The following RIMBP2 variants were observed in gnomAD, a reference collection of about 807,000 sequenced individuals.
RIMBP2 encodes the protein RIMS-binding protein 2.
Under a neutral mutation model 118.6 loss-of-function variants are expected in RIMBP2, and 48 were observed. The observed-to-expected ratio is 0.40, with a 90% CI of 0.32 to 0.51. RIMBP2 has a LOEUF of 0.51. Among genes scored for constraint, RIMBP2 ranks in the 20% least tolerant of loss-of-function variants. The probability of loss-of-function intolerance (pLI) is 0.41; values close to 1 mark genes in which losing one functional copy is unlikely to be tolerated. For missense variants in RIMBP2, 1,551 were observed against 1,768.3 expected, an observed-to-expected ratio of 0.88 and a Z score of 2.20; for synonymous variants, 762 against 742.9, an observed-to-expected ratio of 1.03 and a Z score of -0.42.
chr12:130,551,698 G>A (rs1313456236), intron 2 of RIMBP2, among the ~76,000 whole-genome samples: 2 of 152,200 alleles, frequency 1.3e-5, no homozygotes, highest in Non-Finnish European at 2.9e-5. Context: ...ATAGAGCAAG[G>A]TGAGATAGGA....
At chr12:130,700,893 T>G (rs1407957114) in intron 1 of RIMBP2, among the ~76,000 whole-genome samples, 1 of 152,208 alleles carries the variant, frequency 6.6e-6, no homozygotes, top group Non-Finnish European at 1.5e-5. Context: ...ATGCCCACAG[T>G]GCACACTTTG....
chr12:130,669,513 G>C (rs1013098715), intron 1 of RIMBP2, among the ~76,000 whole-genome samples: 1 of 152,170 alleles, frequency 6.6e-6, no homozygotes, highest in Admixed American at 6.5e-5. Context: ...GAGATCTGGT[G>C]GTTTTATAAG....
chr12:130,670,743 T>C lies in RIMBP2; in HGVS notation c.-351-42287A>G, dbSNP rs2064159037. Reference sequence around the variant, plus strand: ...CACCCACCAGCTCATGAGAAGTCTGTTAAAGAAGATTTAGGAAGACTTTTC... The same window carrying C: ...CACCCACCAGCTCATGAGAAGTCTGCTAAAGAAGATTTAGGAAGACTTTTC... On this transcript the variant is annotated intron_variant, in intron 1 of 22. Coordinates refer to ENST00000690449, the MANE Select transcript of RIMBP2 (RefSeq NM_001393629.1). This position sits in a 1 kb window ranked among gnomAD's most constrained non-coding sequence, Gnocchi z 4.9. Among the ~76,000 whole-genome samples, 1 of 152,198 alleles carries C rather than the reference T, an allele frequency of 6.6e-6. No homozygotes were observed. The highest frequency in any genetic ancestry group is 6.5e-5 in the Admixed American group (1 of 15,268).
chr12:130,530,917 C>T (rs998787288), intron 2 of RIMBP2, among the ~76,000 whole-genome samples: 1 of 152,180 alleles, frequency 6.6e-6, no homozygotes, highest in African/African-American at 2.4e-5. Flanking sequence ...CAGATTCAGG[C>T]TGTGAACTTG....
Position 130,442,314 on chromosome 12 carries a change from C to T in RIMBP2, c.1038G>A (p.Val346=), listed in dbSNP as rs1464165571. 6.2e-7 allele frequency: 1 copy of T among 1,614,106 alleles called. No homozygotes were observed. Among genetic ancestry groups the T allele is most frequent in the Non-Finnish European group, 8.5e-7 (1 of 1,180,060 alleles). Reference sequence around the variant, plus strand: ...TGTCCACCAGGACGTTGTAGCTGCTCACCGTTCCCCATCCTGGTGGCACCG... The same window carrying T: ...TGTCCACCAGGACGTTGTAGCTGCTTACCGTTCCCCATCCTGGTGGCACCG... ...PPAVPPGWGT[V]SSYNVLVDKE... The change falls in exon 11 of 23, where the codon GTG becomes GTA. Residue 346 remains valine (V), a synonymous_variant. Coordinates refer to ENST00000690449, the MANE Select transcript of RIMBP2 (RefSeq NM_001393629.1). This position sits in a 1 kb window ranked among gnomAD's most constrained non-coding sequence, Gnocchi z 6.9.
At chr12:130,506,142 A>C (rs2050322284) in intron 4 of RIMBP2, among the ~76,000 whole-genome samples, 1 of 152,120 alleles carries the variant, frequency 6.6e-6, no homozygotes, top group Non-Finnish European at 1.5e-5. Flanking sequence ...CATCAATAGC[A>C]AATCAACCCA....
intron 2 of RIMBP2, among the ~76,000 whole-genome samples, chr12:130,584,718 C>CATCACTATCACAACCATTACATT (rs1183240941): frequency 6.6e-6 from 1 of 152,226 alleles, no homozygotes; most frequent in East Asian, 1.9e-4. Context: ...ACCATTACAT[C>CATCACTATCACAACCATTACATT]ATCACTATCA....
At position 130,568,325 on chromosome 12, in the gene RIMBP2, C is replaced by T. The variant is rs1381032577; in HGVS notation, c.-216-50408G>A. ...CTGTTTCTCATGTGCTTCAGCTCCC[C>T]AGACAACTAACTCCTCTGCCTCCTG... On this transcript the variant is annotated intron_variant, in intron 2 of 22. Coordinates refer to ENST00000690449, the MANE Select transcript of RIMBP2 (RefSeq NM_001393629.1). Among the ~76,000 whole-genome samples the T allele has an allele frequency of 2.0e-5, 3 of 152,186 alleles. No homozygotes were observed. In the East Asian group the frequency reaches 5.8e-4, roughly 29 times the overall value.
At position 130,681,295 on chromosome 12, in the gene RIMBP2, T is replaced by A. The variant is rs76271981; in HGVS notation, c.-352+34927A>T. On this transcript the variant is annotated intron_variant, in intron 1 of 22. Transcript: ENST00000690449. The stretch of plus-strand genomic sequence containing the variant: ...CCTATCTCTAAAAAAAAATAAAAAA[T>A]AAAAATAAATGCATGTACTTTTTAC... Among the ~76,000 whole-genome samples the A allele has an allele frequency of 8.7e-5, 12 of 138,580 alleles. No individual in the cohort carries two copies. In the East Asian group the frequency reaches 1.7e-3, roughly 20 times the overall value. 90.9% of individuals were successfully genotyped at this position (138,580 alleles called of 152,430 possible). A position where few individuals can be genotyped will look rare whatever the true frequency, so the allele number is the denominator to read the frequency against.
chr12:130,496,730 C>A (rs567557374), intron 4 of RIMBP2, among the ~76,000 whole-genome samples: 3 of 152,150 alleles, frequency 2.0e-5, no homozygotes, highest in Non-Finnish European at 4.4e-5. Flanking sequence ...TTCAGGCACA[C>A]CTTTCTCTCA....
At chr12:130,505,057 G>A (rs2050168391) in intron 4 of RIMBP2, among the ~76,000 whole-genome samples, 1 of 152,148 alleles carries the variant, frequency 6.6e-6, no homozygotes, top group Admixed American at 6.5e-5. Context: ...AAAGGCAGAG[G>A]GTTGGATAAG....
chr12:130,481,903 G>A (rs2082042189), intron 4 of RIMBP2, among the ~76,000 whole-genome samples: 1 of 151,730 alleles, frequency 6.6e-6, no homozygotes, highest in African/African-American at 2.4e-5. Context: ...CTCTTTCCAA[G>A]AGCCTCAGTT....
At chr12:130,590,559 A>T (rs1318853480) in intron 2 of RIMBP2, among the ~76,000 whole-genome samples, 1 of 152,146 alleles carries the variant, frequency 6.6e-6, no homozygotes, top group Non-Finnish European at 1.5e-5. Context: ...GCTGGTAAAA[A>T]AGTTGAGGAT....
chr12:130,479,026 CAG>C lies in RIMBP2; in HGVS notation c.-3-12_-3-11del, dbSNP rs1566111565. ...CCGCCTCTCGCATATGCTGTGGGGA[CAG>C]AGAGAGGCCTGGCTGAGCAGGGCAG... is the stretch of plus-strand genomic sequence containing the variant. On this transcript the variant is annotated splice_polypyrimidine_tract_variant and intron_variant, in intron 4 of 22. Transcript: ENST00000690449. 1.9e-6 allele frequency: 3 copies of C among 1,609,534 alleles called. No individual in the cohort carries two copies. Among genetic ancestry groups the C allele is most frequent in the Non-Finnish European group, 2.5e-6 (3 of 1,177,094 alleles).
In RIMBP2 at chr12:130,654,833, A is replaced by G. The variant is rs146174333; in HGVS notation, c.-351-26377T>C. On this transcript the variant is annotated intron_variant, in intron 1 of 22. Transcript: ENST00000690449. ...AGGAAGCTTCCAATCATGGTGGAAG[A>G]CAAAGAGGAGCCAGCATGTCACACA... Among the ~76,000 whole-genome samples, 794 of 152,324 alleles carry G rather than the reference A, an allele frequency of 5.2e-3. 13 individuals are homozygous for G. The highest frequency in any genetic ancestry group is 0.018 in the African/African-American group (746 of 41,584).
intron 6 of RIMBP2, among the ~76,000 whole-genome samples, chr12:130,464,308 A>G (rs972345506): frequency 1.3e-5 from 2 of 152,234 alleles, no homozygotes; most frequent in South Asian, 4.1e-4. Flanking sequence ...TTCCGGTAAC[A>G]TTAGGAAAAT....
rs79653514 is a variant in RIMBP2 at position 130,578,845 on chromosome 12, T to C, written c.-217+49477A>G. On this transcript the variant is annotated intron_variant, in intron 2 of 22. Coordinates refer to ENST00000690449, the MANE Select transcript of RIMBP2 (RefSeq NM_001393629.1). This position sits in a 1 kb window ranked among gnomAD's most constrained non-coding sequence, Gnocchi z 4.1. Reference sequence around the variant, plus strand: ...CAGAAAGGCTTGGATTTATAAGATGTGCACCAAACATAACTAATGCTCCCA... The same window carrying C: ...CAGAAAGGCTTGGATTTATAAGATGCGCACCAAACATAACTAATGCTCCCA... Among the ~76,000 whole-genome samples, 1,977 of 152,322 alleles carry C rather than the reference T, an allele frequency of 0.013. 49 individuals are homozygous for C. Among genetic ancestry groups the C allele is most frequent in the African/African-American group, 0.045 (1,886 of 41,552 alleles).
At chr12:130,545,716 C>T (rs1365106944) in intron 2 of RIMBP2, among the ~76,000 whole-genome samples, 2 of 152,178 alleles carry the variant, frequency 1.3e-5, no homozygotes, top group Admixed American at 1.3e-4. Flanking sequence ...GAGGGGAGCG[C>T]CGTGCTAAGG....
intron 2 of RIMBP2, among the ~76,000 whole-genome samples, chr12:130,546,057 C>A (rs1021446732): frequency 3.3e-5 from 5 of 150,588 alleles, no homozygotes; most frequent in Admixed American, 2.6e-4. Context: ...GTCCTGTCCC[C>A]CTTTGGGATC....
Sources: gnomAD v4.1 joint callset for allele counts (sites outside exome capture counted in the v4.1 genomes callset) on GRCh38, gnomAD v4.1.1 for gene constraint, Gnocchi (gnomAD v3.1) non-coding constraint, MANE v1.5 for transcripts, NCBI Gene and HGNC (gene_info 2026-07-23, HGNC 2026-07-21) for gene names.